Variants in MGAT4C observed in about 807,000 individuals in gnomAD.
MGAT4C encodes alpha-1,3-mannosyl-glycoprotein 4-beta-N-acetylglucosaminyltransferase C.
In MGAT4C, 19 loss-of-function variants were observed where a neutral mutation model predicts 40.1. The ratio of observed to expected loss-of-function variants is 0.47; its 90% CI spans 0.33 to 0.70. MGAT4C has a LOEUF of 0.70. Among genes scored for constraint, MGAT4C ranks in the 30% least tolerant of loss-of-function variants. The probability of loss-of-function intolerance (pLI) is 0.02; values close to 1 mark genes in which losing one functional copy is unlikely to be tolerated. For missense variants in MGAT4C, 491 were observed against 563.2 expected (o/e 0.87, Z 1.30); for synonymous variants, 181 against 187.1 (o/e 0.97, Z 0.27).
In MGAT4C at chr12:85,975,444, T is replaced by C. The variant is rs1883901705; in HGVS notation, c.*3845A>G. 2.0e-5 allele frequency: 3 copies of C among 151,052 alleles called. No homozygotes were observed. The highest frequency in any genetic ancestry group is 7.2e-5 in the African/African-American group (3 of 41,440). The allele number at this position is 151,052 out of a possible 1,614,324, so 9.4% of individuals were successfully genotyped here. ...TAAAATTGCTACCTTTAAAAACATATGAGGTAAAATTATTCCTATTCACAG... is the reference window on the plus strand; with the variant it reads ...TAAAATTGCTACCTTTAAAAACATACGAGGTAAAATTATTCCTATTCACAG... On this transcript the variant is annotated 3_prime_UTR_variant, in exon 5 of 5. Coordinates refer to ENST00000611864, the MANE Select transcript of MGAT4C (RefSeq NM_001351288.2).
chr12:86,596,604 T>C (rs1474150862), intron 2 of MGAT4C, among the ~76,000 whole-genome samples: 1 of 152,184 alleles, frequency 6.6e-6, no homozygotes, highest in East Asian at 1.9e-4. Context: ...TTTTAAGGAA[T>C]AATGAATGCC....
At chr12:86,726,437 A>G (rs1488361651) in intron 2 of MGAT4C, among the ~76,000 whole-genome samples, 1 of 152,174 alleles carries the variant, frequency 6.6e-6, no homozygotes, top group Non-Finnish European at 1.5e-5. Context: ...AATATATTTT[A>G]TATGCCTAAA....
At chr12:86,175,795 C>CAAAAAAAAAAAAA (rs61441239) in intron 1 of MGAT4C, among the ~76,000 whole-genome samples, 1 of 83,668 alleles carries the variant, frequency 1.2e-5, no homozygotes, top group Non-Finnish European at 2.2e-5. Context: ...ACTAAAAATA[C>CAAAAAAAAAAAAA]AAAAAAAAAA....
chr12:85,982,431 C>G (rs2136691181), intron 4 of MGAT4C, among the ~76,000 whole-genome samples: 1 of 152,282 alleles, frequency 6.6e-6, no homozygotes, highest in South Asian at 2.1e-4. Context: ...TCAAGTGATA[C>G]ACTTGCCTTG....
chr12:86,763,767 C>T (rs1593183164), intron 1 of MGAT4C, among the ~76,000 whole-genome samples: 2 of 152,198 alleles, frequency 1.3e-5, no homozygotes, highest in Admixed American at 6.5e-5. Context: ...ATTCCTGACA[C>T]ATAATAGTTG....
At chr12:86,426,882 G>A (rs1018025178) in intron 3 of MGAT4C, among the ~76,000 whole-genome samples, 2 of 152,264 alleles carry the variant, frequency 1.3e-5, no homozygotes, top group South Asian at 4.1e-4. Flanking sequence ...GGGAGGCAGA[G>A]CTTGCAGTGA....
At chr12:86,672,919 AT>A (rs1565916834) in intron 2 of MGAT4C, among the ~76,000 whole-genome samples, 1 of 152,104 alleles carries the variant, frequency 6.6e-6, no homozygotes, top group Non-Finnish European at 1.5e-5. Context: ...AAAATATATT[AT>A]TTAGATTTAA....
intron 2 of MGAT4C, among the ~76,000 whole-genome samples, chr12:86,583,720 ATCCT>A (rs1404163140): frequency 1.3e-5 from 2 of 151,236 alleles, no homozygotes; most frequent in Non-Finnish European, 3.0e-5. Flanking sequence ...GAGTTCAATA[ATCCT>A]TCATTAATAG....
At chr12:86,720,463 T>A (rs1410631601) in intron 2 of MGAT4C, among the ~76,000 whole-genome samples, 2 of 152,194 alleles carry the variant, frequency 1.3e-5, no homozygotes, top group African/African-American at 4.8e-5. Context: ...TACTGCAATG[T>A]TCTATATGTT....
At chr12:86,514,772 G>A (rs1049310353) in intron 2 of MGAT4C, among the ~76,000 whole-genome samples, 5 of 152,052 alleles carry the variant, frequency 3.3e-5, no homozygotes, top group African/African-American at 9.7e-5. Flanking sequence ...TGTAATCATT[G>A]GTTCCAGAGA....
chr12:86,428,819 CT>C (rs1328975595), intron 3 of MGAT4C, among the ~76,000 whole-genome samples: 1 of 151,982 alleles, frequency 6.6e-6, no homozygotes, highest in African/African-American at 2.4e-5. Context: ...GTAATGTCTA[CT>C]TTTTCATTTC....
intron 2 of MGAT4C, among the ~76,000 whole-genome samples, chr12:86,703,976 T>C (rs747562761): frequency 5.9e-4 from 90 of 152,286 alleles, no homozygotes; most frequent in Non-Finnish European, 1.1e-3. Flanking sequence ...TTTCTTTCCA[T>C]ATAGACACAA....
chr12:86,178,660 T>C (rs2135857426), intron 1 of MGAT4C, among the ~76,000 whole-genome samples: 1 of 152,340 alleles, frequency 6.6e-6, no homozygotes, highest in East Asian at 1.9e-4. Context: ...TAATGACTGC[T>C]TGCCTTTAGA....
At chr12:86,196,204 C>T (rs1949794136) in intron 1 of MGAT4C, among the ~76,000 whole-genome samples, 2 of 152,204 alleles carry the variant, frequency 1.3e-5, no homozygotes, top group African/African-American at 2.4e-5. Context: ...CTCACATGAT[C>T]ATTCTCTGTA....
At chr12:86,001,026 A>G (rs1887239071) in intron 2 of MGAT4C, among the ~76,000 whole-genome samples, 1 of 152,142 alleles carries the variant, frequency 6.6e-6, no homozygotes, top group African/African-American at 2.4e-5. Flanking sequence ...TCAATGGCTC[A>G]TAATTTTGTT....
intron 3 of MGAT4C, among the ~76,000 whole-genome samples, chr12:86,335,040 T>C (rs1440789730): frequency 1.3e-5 from 2 of 149,248 alleles, no homozygotes; most frequent in Non-Finnish European, 2.9e-5. Context: ...TTAAATTATA[T>C]AAATGCATAG....
intron 4 of MGAT4C, among the ~76,000 whole-genome samples, chr12:86,326,754 A>T (rs995013137): frequency 6.6e-5 from 10 of 152,150 alleles, no homozygotes; most frequent in Non-Finnish European, 1.0e-4. Flanking sequence ...TTTCTATTTC[A>T]TACAAAATAA....
chr12:86,527,859 CAT>C (rs924002655), intron 2 of MGAT4C, among the ~76,000 whole-genome samples: 47 of 152,232 alleles, frequency 3.1e-4, no homozygotes, highest in African/African-American at 1.1e-3. Flanking sequence ...TGTTCTCACT[CAT>C]ATGTGGTAGC....
At chr12:86,825,702 A>C (rs927340553) in intron 1 of MGAT4C, among the ~76,000 whole-genome samples, 10 of 151,538 alleles carry the variant, frequency 6.6e-5, no homozygotes, top group Non-Finnish European at 1.2e-4. Flanking sequence ...ATATAGTTCT[A>C]GTAAATGATG....
Sources: gnomAD v4.1 joint callset for allele counts (sites outside exome capture counted in the v4.1 genomes callset) on GRCh38, gnomAD v4.1.1 for gene constraint, MANE v1.5 for transcripts, NCBI Gene and HGNC (gene_info 2026-07-23, HGNC 2026-07-21) for gene names.